TMEM275: variants seen among roughly 807,000 people sequenced by gnomAD.
TMEM275 encodes the protein transmembrane protein 275.
chr1:46,534,982 T>G lies in TMEM275; in HGVS notation c.-123-1332A>C, dbSNP rs949084599. Reference sequence around the variant, plus strand: ...TAAAGCGCTTAGAACAGTGAGTATTTAATAAATGTTAACCATGCCCTTGTG... The same window carrying G: ...TAAAGCGCTTAGAACAGTGAGTATTGAATAAATGTTAACCATGCCCTTGTG... On this transcript the variant is annotated intron_variant, in intron 1 of 1. Transcript: ENST00000634804. Among the ~76,000 whole-genome samples, 249 of 152,300 alleles carry G rather than the reference T, an allele frequency of 1.6e-3. 2 individuals carry two copies. Among genetic ancestry groups the G allele is most frequent in the East Asian group, 5.8e-4 (3 of 5,194 alleles).
At position 46,533,311 on chromosome 1, in the gene TMEM275, C is replaced by CCAGCACCAG. The variant is rs1666694510; in HGVS notation, c.208_216dup (p.Leu70_Leu72dup). The stretch of plus-strand genomic sequence containing the variant: ...CAGCAGGCCGCGAAGAAGCCGAGCG[C>CCAGCACCAG]CAGCACCAGCAGCGCCAGCCCCACG... On this transcript the variant is annotated inframe_insertion, in exon 2 of 2. Coordinates refer to ENST00000634804, the Ensembl canonical transcript of TMEM275. The surrounding 1 kb of genome is among the most constrained non-coding windows in gnomAD (Gnocchi z 4.4). 5.4e-6 allele frequency: 2 copies of CCAGCACCAG among 367,838 alleles called. No individual in the cohort carries two copies. Among genetic ancestry groups the CCAGCACCAG allele is most frequent in the African/African-American group, 4.3e-5 (2 of 46,828 alleles). 22.8% of individuals were successfully genotyped at this position (367,838 alleles called of 1,614,324 possible). A position where few individuals can be genotyped will look rare whatever the true frequency, so the allele number is the denominator to read the frequency against.
Position 46,533,537 on chromosome 1 carries a change from C to G in TMEM275, c.-10G>C. On this transcript the variant is annotated 5_prime_UTR_variant, in exon 2 of 2. Transcript: ENST00000634804. This position sits in a 1 kb window ranked among gnomAD's most constrained non-coding sequence, Gnocchi z 4.4. ...TTTCTGCCGGCGGCATCGGCCTGCG[C>G]ACGCCAGGCACGCATCAAGCTCCCT... is the stretch of plus-strand genomic sequence containing the variant. 5.1e-6 allele frequency: 2 copies of G among 388,486 alleles called. No individual in the cohort carries two copies. The highest frequency in any genetic ancestry group is 9.1e-6 in the Non-Finnish European group (2 of 219,410). 24.1% of individuals were successfully genotyped at this position (388,486 alleles called of 1,614,324 possible). A position where few individuals can be genotyped will look rare whatever the true frequency, so the allele number is the denominator to read the frequency against.
chr1:46,535,116 T>A (rs1248285583), intron 1 of TMEM275, among the ~76,000 whole-genome samples: 1 of 152,222 alleles, frequency 6.6e-6, no homozygotes, highest in African/African-American at 2.4e-5. Flanking sequence ...GGTACCTTTC[T>A]GAGTGTCCAA....
In TMEM275 at chr1:46,533,577, G is replaced by A. The variant is rs1666701135; in HGVS notation, c.-50C>T. 2.6e-6 allele frequency: 1 copy of A among 385,020 alleles called. No homozygotes were observed. The highest frequency in any genetic ancestry group is 4.6e-6 in the Non-Finnish European group (1 of 217,424). The allele number at this position is 385,020 out of a possible 1,614,324, so 23.9% of individuals were successfully genotyped here. On this transcript the variant is annotated 5_prime_UTR_variant, in exon 2 of 2. Transcript: ENST00000634804. This position sits in a 1 kb window ranked among gnomAD's most constrained non-coding sequence, Gnocchi z 4.4. ...TCAAGCTCCCTCCTGCCGCCGGCCC[G>A]GAACAGCCCAACTGCCAGGAGCCTC... is the stretch of plus-strand genomic sequence containing the variant.
rs1666725714 is a variant in TMEM275 at position 46,535,426 on chromosome 1, C to T, written c.-123-1776G>A. On this transcript the variant is annotated intron_variant, in intron 1 of 1. It introduces an in-frame stop codon into an upstream open reading frame of the 5' UTR. Coordinates refer to ENST00000634804, the Ensembl canonical transcript of TMEM275. ...TTGACCCTTGAGGGCATCTACAGAC[C>T]ACAGATTCCTGAGGAAGCTCCTCAT... Among the ~76,000 whole-genome samples, 1 of 152,134 alleles carries T rather than the reference C, an allele frequency of 6.6e-6. No homozygotes were observed. The highest frequency in any genetic ancestry group is 2.4e-5 in the African/African-American group (1 of 41,412).
intron 1 of TMEM275, among the ~76,000 whole-genome samples, 199 bp downstream of exon 1, chr1:46,534,912 A>C (rs981744393): frequency 3.3e-5 from 5 of 152,172 alleles, no homozygotes; most frequent in African/African-American, 1.2e-4. Flanking sequence ...TAATCATAGA[A>C]CCCACCTCAT....
intron 1 of TMEM275, among the ~76,000 whole-genome samples, chr1:46,534,511 T>C (rs576021854): frequency 6.6e-6 from 1 of 152,342 alleles, no homozygotes; most frequent in South Asian, 2.1e-4. Flanking sequence ...GCCTAATTGC[T>C]GGATGCTAGA....
At position 46,535,102 on chromosome 1, in the gene TMEM275, T is replaced by TGG. The variant is rs1392678704; in HGVS notation, c.-123-1454_-123-1453dup. Reference sequence around the variant, plus strand: ...CAGAAAAGTTGGGCTGTCTCCCAGGTGGAGGTACCTTTCTGAGTGTCCAAA... The same window carrying TGG: ...CAGAAAAGTTGGGCTGTCTCCCAGGTGGGGAGGTACCTTTCTGAGTGTCCAAA... On this transcript the variant is annotated intron_variant, in intron 1 of 1. Coordinates refer to ENST00000634804, the Ensembl canonical transcript of TMEM275. Among the ~76,000 whole-genome samples the TGG allele has an allele frequency of 6.6e-6, 1 of 152,158 alleles. No individual in the cohort carries two copies. Among genetic ancestry groups the TGG allele is most frequent in the Admixed American group, 6.5e-5 (1 of 15,272 alleles).
At position 46,533,813 on chromosome 1, in the gene TMEM275, C is replaced by T. The variant is rs116596197; in HGVS notation, c.-123-163G>A. Among the ~76,000 whole-genome samples the T allele has an allele frequency of 2.5e-3, 388 of 152,308 alleles. 3 individuals are homozygous for T. Among genetic ancestry groups the T allele is most frequent in the African/African-American group, 9.0e-3 (376 of 41,574 alleles). Reference sequence around the variant, plus strand: ...ACAAACCATCCCATATGTGAAGAATCGACTTGTTTCCCCACCTAGTTCCGG... The same window carrying T: ...ACAAACCATCCCATATGTGAAGAATTGACTTGTTTCCCCACCTAGTTCCGG... On this transcript the variant is annotated intron_variant, in intron 1 of 1. Transcript: ENST00000634804. The surrounding 1 kb of genome is among the most constrained non-coding windows in gnomAD (Gnocchi z 4.4).
Position 46,533,455 on chromosome 1 carries a change from C to T in TMEM275, c.73G>A (p.Gly25Ser), listed in dbSNP as rs1204575570. The T allele has an allele frequency of 5.2e-6, 2 of 385,230 alleles. No homozygotes were observed. The highest frequency in any genetic ancestry group is 9.2e-6 in the Non-Finnish European group (2 of 217,466). The allele number at this position is 385,230 out of a possible 1,614,324, so 23.9% of individuals were successfully genotyped here. A position where few individuals can be genotyped will look rare whatever the true frequency, so the allele number is the denominator to read the frequency against. ...CAGCACAGCGCCGGCGACGGCAGGC[C>T]GGGCACCCGGCCCCGGGCGCGTTCC... Residue 25 changes from glycine (G) to serine (S), a missense_variant, in exon 2 of 2, where the codon GGC becomes AGC. Transcript: ENST00000634804. This position sits in a 1 kb window ranked among gnomAD's most constrained non-coding sequence, Gnocchi z 4.4.
exon 2 of TMEM275, chr1:46,532,337 T>C (rs7542296): frequency 0.24 from 36,453 of 152,292 alleles, 4,772 homozygotes; most frequent in African/African-American, 0.33. Context: ...TCAGCTACTC[T>C]TGCTCTTAGT....
At position 46,535,456 on chromosome 1, in the gene TMEM275, A is replaced by G. The variant is rs1372810421; in HGVS notation, c.-123-1806T>C. Among the ~76,000 whole-genome samples the G allele has an allele frequency of 6.6e-6, 1 of 152,254 alleles. No homozygotes were observed. The highest frequency in any genetic ancestry group is 2.4e-5 in the African/African-American group (1 of 41,468). On this transcript the variant is annotated intron_variant, in intron 1 of 1. An upstream start codon of the reference 5' UTR is lost. Coordinates refer to ENST00000634804, the Ensembl canonical transcript of TMEM275. ...ATTCCTGAGGAAGCTCCTCATCTGC[A>G]TGAACATTTGCTCTCTAACCTGCTG... is the stretch of plus-strand genomic sequence containing the variant.
rs1666692545 is a variant in TMEM275 at position 46,533,247 on chromosome 1, G to A, written c.281C>T (p.Ser94Leu). The A allele has an allele frequency of 6.0e-6, 2 of 335,232 alleles. No homozygotes were observed. 20.8% of individuals were successfully genotyped at this position (335,232 alleles called of 1,614,324 possible). ...CTGGCCCGGGCCCGCCGCGGCCGCC[G>A]AGCGCCCACGGGGCGCGAGGCCCCG... Residue 94 changes from serine (S) to leucine (L), a missense_variant, in exon 2 of 2, where the codon TCG becomes TTG. Transcript: ENST00000634804. The surrounding 1 kb of genome is among the most constrained non-coding windows in gnomAD (Gnocchi z 4.4).
At position 46,533,154 on chromosome 1, in the gene TMEM275, G is replaced by T. The variant is rs1347401496; in HGVS notation, c.374C>A (p.Thr125Lys). Reference sequence around the variant, plus strand: ...GACGGCAGGGCTGAGCTGCACGGCCGTGGTGTCCTGTGCCGTGGGCTCGCT... The same window carrying T: ...GACGGCAGGGCTGAGCTGCACGGCCTTGGTGTCCTGTGCCGTGGGCTCGCT... Residue 125 changes from threonine (T) to lysine (K), a missense_variant, in exon 2 of 2, where the codon ACG (threonine) becomes AAG (lysine). Physicochemically the swap from Thr to Lys is moderately conservative, Grantham distance 78. Coordinates refer to ENST00000634804, the Ensembl canonical transcript of TMEM275. This position sits in a 1 kb window ranked among gnomAD's most constrained non-coding sequence, Gnocchi z 4.4. 2 of 386,714 alleles carry T rather than the reference G, an allele frequency of 5.2e-6. No individual in the cohort carries two copies. The highest frequency in any genetic ancestry group is 4.5e-5 in the Admixed American group (1 of 22,230). The allele number at this position is 386,714 out of a possible 1,614,324, so 24.0% of individuals were successfully genotyped here.
rs1666690028 is a variant in TMEM275, at chr1:46,533,138, G to C, written c.390C>G (p.Ser130Arg). ...CGGAGGACGCGGCGGAGACGGCAGG[G>C]CTGAGCTGCACGGCCGTGGTGTCCT... Residue 130 changes from serine to arginine, a missense_variant, in exon 2 of 2, where the codon AGC (serine) becomes AGG (arginine). Physicochemically the swap from Ser to Arg is moderately radical, Grantham distance 110. Coordinates refer to ENST00000634804, the Ensembl canonical transcript of TMEM275. The surrounding 1 kb of genome is among the most constrained non-coding windows in gnomAD (Gnocchi z 4.4). The C allele has an allele frequency of 2.6e-6, 1 of 389,020 alleles. No individual in the cohort carries two copies. Among genetic ancestry groups the C allele is most frequent in the Admixed American group, 4.5e-5 (1 of 22,358 alleles). 24.1% of individuals were successfully genotyped at this position (389,020 alleles called of 1,614,324 possible).
In TMEM275 at chr1:46,533,532, C is replaced by G. The variant is rs1666700092; in HGVS notation, c.-5G>C. 2.6e-6 allele frequency: 1 copy of G among 388,574 alleles called. No individual in the cohort carries two copies. The highest frequency in any genetic ancestry group is 2.1e-5 in the African/African-American group (1 of 48,078). The allele number at this position is 388,574 out of a possible 1,614,324, so 24.1% of individuals were successfully genotyped here. ...GCTCTTTTCTGCCGGCGGCATCGGC[C>G]TGCGCACGCCAGGCACGCATCAAGC... On this transcript the variant is annotated 5_prime_UTR_variant, in exon 2 of 2. Transcript: ENST00000634804. This position sits in a 1 kb window ranked among gnomAD's most constrained non-coding sequence, Gnocchi z 4.4.
rs1043238826 is a variant in TMEM275, at chr1:46,534,895, G to T, written c.-123-1245C>A. Among the ~76,000 whole-genome samples the T allele has an allele frequency of 1.8e-4, 27 of 152,266 alleles. No individual in the cohort carries two copies. In the South Asian group the frequency reaches 4.8e-3, roughly 27 times the overall value. ...CTGCTTCCATCTTCTCTTCTGTAAT[G>T]TGGGGCTAATCATAGAACCCACCTC... is the stretch of plus-strand genomic sequence containing the variant. On this transcript the variant is annotated intron_variant, in intron 1 of 1. Transcript: ENST00000634804.
In TMEM275 at chr1:46,533,211, C is replaced by G; in HGVS notation, c.317G>C (p.Arg106Pro). ...CATCTCCAGCGCCACGGGCCCGGCG[C>G]GGCCGCCACCCTGGCCCGGGCCCGC... The change falls in exon 2 of 2, where the codon CGC becomes CCC. Residue 106 changes from arginine to proline, a missense_variant. Coordinates refer to ENST00000634804, the Ensembl canonical transcript of TMEM275. The surrounding 1 kb of genome is among the most constrained non-coding windows in gnomAD (Gnocchi z 4.4). 2.9e-6 allele frequency: 1 copy of G among 348,314 alleles called. No individual in the cohort carries two copies. Among genetic ancestry groups the G allele is most frequent in the East Asian group, 4.3e-5 (1 of 23,264 alleles). The allele number at this position is 348,314 out of a possible 1,614,324, so 21.6% of individuals were successfully genotyped here. A position where few individuals can be genotyped will look rare whatever the true frequency, so the allele number is the denominator to read the frequency against.
chr1:46,533,058 G>T lies in TMEM275; in HGVS notation c.470C>A (p.Ala157Asp). ...TCCTTCCGAGCGCAGCGCGCAGACG[G>T]CCGCGGGCGCCGGGGCCTCCAGGGC... Residue 157 changes from alanine (A) to aspartate (D), a missense_variant, in exon 2 of 2, where the codon GCC becomes GAC. Coordinates refer to ENST00000634804, the Ensembl canonical transcript of TMEM275. The surrounding 1 kb of genome is among the most constrained non-coding windows in gnomAD (Gnocchi z 4.4). The T allele has an allele frequency of 2.5e-6, 1 of 395,436 alleles. No individual in the cohort carries two copies. Among genetic ancestry groups the T allele is most frequent in the Non-Finnish European group, 4.5e-6 (1 of 223,978 alleles). The allele number at this position is 395,436 out of a possible 1,614,324, so 24.5% of individuals were successfully genotyped here. A position where few individuals can be genotyped will look rare whatever the true frequency, so the allele number is the denominator to read the frequency against.
Sources: gnomAD v4.1 joint callset for allele counts (sites outside exome capture counted in the v4.1 genomes callset) on GRCh38, gnomAD v4.1.1 for gene constraint, Gnocchi (gnomAD v3.1) non-coding constraint, MANE v1.5 for transcripts, NCBI Gene and HGNC (gene_info 2026-07-23, HGNC 2026-07-21) for gene names.